The following WDR27 variants were observed in gnomAD, a reference collection of about 807,000 sequenced individuals.
The protein encoded by WDR27 is WD repeat domain 27, also known as WD repeat-containing protein 27.
Under a neutral mutation model 114.4 loss-of-function variants are expected in WDR27, and 100 were observed. The ratio of observed to expected loss-of-function variants is 0.87; its 90% confidence interval spans 0.74 to 1.03. The LOEUF (loss-of-function observed/expected upper bound fraction) is 1.03. Among genes scored for constraint, WDR27 ranks in the 50% least tolerant of loss-of-function variants. The pLI is 0.00. For synonymous variants in WDR27, 449 were observed against 423.1 expected (o/e 1.06, Z -0.75); for missense variants, 1,129 against 1,092.9 (o/e 1.03, Z -0.47).
intron 25 of WDR27, among the ~76,000 whole-genome samples, chr6:169,501,829 C>T (rs548366541): frequency 2.4e-3 from 359 of 152,342 alleles, no homozygotes; most frequent in Non-Finnish European, 4.5e-3. Context: ...GCGCCCCTCC[C>T]TCAAGCTGGT....
chr6:169,700,785 T>C (rs1209446287), intron 1 of WDR27, among the ~76,000 whole-genome samples: 2 of 152,186 alleles, frequency 1.3e-5, no homozygotes, highest in Non-Finnish European at 1.5e-5. Context: ...AGCAATACAA[T>C]ACAAAACATT....
chr6:169,489,335 C>T (rs905042917), intron 25 of WDR27, among the ~76,000 whole-genome samples: 6 of 152,160 alleles, frequency 3.9e-5, no homozygotes, highest in Non-Finnish European at 7.3e-5. Context: ...GGATTAAAAG[C>T]CTAAGACAGT....
At chr6:169,523,567 A>C (rs1259227179) in intron 25 of WDR27, among the ~76,000 whole-genome samples, 2 of 152,152 alleles carry the variant, frequency 1.3e-5, no homozygotes, top group Non-Finnish European at 2.9e-5. Flanking sequence ...CAAATTCAAC[A>C]ACCCATTAAA....
At chr6:169,653,235 T>C (rs1007010179) in intron 13 of WDR27, among the ~76,000 whole-genome samples, 1 of 152,254 alleles carries the variant, frequency 6.6e-6, no homozygotes, top group Non-Finnish European at 1.5e-5. Flanking sequence ...ATTAGCCATT[T>C]TAATTAATAT....
chr6:169,696,903 G>A, intron 1 of WDR27, among the ~76,000 whole-genome samples: 1 of 152,192 alleles, frequency 6.6e-6, no homozygotes, highest in East Asian at 1.9e-4. Context: ...GACAGAGCGA[G>A]ACCCTGTCTC....
intron 20 of WDR27, among the ~76,000 whole-genome samples, chr6:169,633,739 C>T (rs964663518): frequency 1.3e-5 from 2 of 152,158 alleles, no homozygotes; most frequent in South Asian, 2.1e-4. Context: ...CTAGTACTCT[C>T]GTATTCCAGA....
Position 169,659,941 on chromosome 6 carries a change from G to A in WDR27, c.1130-423C>T, listed in dbSNP as rs114264703. On this transcript the variant is annotated intron_variant, in intron 10 of 25. Transcript: ENST00000448612. The surrounding 1 kb of genome is among the most constrained non-coding windows in gnomAD (Gnocchi z 4.3). Reference sequence around the variant, plus strand: ...GAGCTGGGGAGGGGCAGGGATGGGCGGCTGAAGGGAAGGGCGTGTGTGAAG... The same window carrying A: ...GAGCTGGGGAGGGGCAGGGATGGGCAGCTGAAGGGAAGGGCGTGTGTGAAG... Among the ~76,000 whole-genome samples, 112 of 151,994 alleles carry A rather than the reference G, an allele frequency of 7.4e-4. No homozygotes were observed. Among genetic ancestry groups the A allele is most frequent in the African/African-American group, 2.6e-3 (109 of 41,456 alleles).
At chr6:169,500,309 A>C (rs1790994110) in intron 25 of WDR27, among the ~76,000 whole-genome samples, 1 of 152,148 alleles carries the variant, frequency 6.6e-6, no homozygotes, top group Non-Finnish European at 1.5e-5. Context: ...TGAGCTTGCT[A>C]TTCCAAATGA....
Position 169,458,006 on chromosome 6 carries a change from A to AGGAGGT in WDR27, c.2646-373_2646-372insACCTCC, listed in dbSNP as rs869143503. On this transcript the variant is annotated intron_variant, in intron 25 of 25. Coordinates refer to ENST00000448612, the MANE Select transcript of WDR27 (RefSeq NM_182552.5). ...GAGGAGGAGGAGGAGGAGGAGGAGG[A>AGGAGGT]GGTGGTGGTGGTGCCAGGAATCCAC... 1.4e-3 allele frequency among the ~76,000 whole-genome samples: 199 copies of AGGAGGT among 139,940 alleles called. 4 individuals carry two copies. Among genetic ancestry groups the AGGAGGT allele is most frequent in the African/African-American group, 5.0e-3 (193 of 38,762 alleles). The allele number at this position is 139,940 out of a possible 152,430, so 91.8% of individuals were successfully genotyped here.
At chr6:169,548,939 A>T (rs1797772426) in intron 25 of WDR27, among the ~76,000 whole-genome samples, 1 of 152,252 alleles carries the variant, frequency 6.6e-6, no homozygotes, top group South Asian at 2.1e-4. Flanking sequence ...CAAAATGCAA[A>T]GCTATATAAT....
intron 4 of WDR27, 73 bp downstream of exon 4, chr6:169,670,496 G>C: frequency 1.3e-6 from 2 of 1,577,084 alleles, no homozygotes; most frequent in Non-Finnish European, 1.7e-6. Flanking sequence ...AAGACCGCTG[G>C]GCAAGGTCCC....
chr6:169,540,143 A>G (rs1796657601), intron 25 of WDR27, among the ~76,000 whole-genome samples: 1 of 152,234 alleles, frequency 6.6e-6, no homozygotes, highest in Non-Finnish European at 1.5e-5. Flanking sequence ...TTCATCATGC[A>G]GTCAAGAACA....
chr6:169,525,835 G>A (rs1229062934), intron 25 of WDR27, among the ~76,000 whole-genome samples: 1 of 152,144 alleles, frequency 6.6e-6, no homozygotes, highest in Non-Finnish European at 1.5e-5. Flanking sequence ...TAGAATCAAT[G>A]TAAATGTCCA....
At chr6:169,636,594 C>A (rs1167841716) in intron 18 of WDR27, 90 bp from the exon 19 acceptor site, 4 of 1,322,984 alleles carry the variant, frequency 3.0e-6, no homozygotes, top group Non-Finnish European at 4.1e-6. Context: ...TTCTTAAAAC[C>A]CAACATCTAT....
intron 21 of WDR27, among the ~76,000 whole-genome samples, chr6:169,632,009 ACT>A (rs1319258200): frequency 2.2e-4 from 34 of 151,938 alleles, no homozygotes; most frequent in African/African-American, 8.0e-4. Flanking sequence ...ACATGGTGAA[ACT>A]CCATCTCTAC....
chr6:169,667,477 G>A (rs948835929), intron 5 of WDR27: 3 of 776,786 alleles, frequency 3.9e-6, no homozygotes, highest in African/African-American at 1.9e-5. Flanking sequence ...CTTGGTCAAC[G>A]CTGCCAAGAT....
rs1826370087 is a variant in WDR27, at chr6:169,662,286, A to G, written c.1025+18T>C. 1.2e-6 allele frequency: 2 copies of G among 1,610,516 alleles called. No individual in the cohort carries two copies. The highest frequency in any genetic ancestry group is 1.7e-6 in the Non-Finnish European group (2 of 1,176,960). On this transcript the variant is annotated intron_variant, in intron 9 of 25. Transcript: ENST00000448612. ...GAGGTTTCCTTTATGTGGCATAGGCAAAGTTTTTGATACTTACCATCCACA... is the reference window on the plus strand; with the variant it reads ...GAGGTTTCCTTTATGTGGCATAGGCGAAGTTTTTGATACTTACCATCCACA...
Position 169,537,231 on chromosome 6 carries a change from G to A in WDR27, c.2645+35188C>T, listed in dbSNP as rs111838274. Among the ~76,000 whole-genome samples the A allele has an allele frequency of 6.1e-3, 933 of 152,224 alleles. 2 individuals are homozygous for A. The highest frequency in any genetic ancestry group is 9.3e-3 in the Non-Finnish European group (635 of 68,010). Reference sequence around the variant, plus strand: ...ATACAGGCAAGATCTCTCTTCTTACGTAGCTTATGCTCTTCAGGGAGGAGC... The same window carrying A: ...ATACAGGCAAGATCTCTCTTCTTACATAGCTTATGCTCTTCAGGGAGGAGC... On this transcript the variant is annotated intron_variant, in intron 25 of 25. Transcript: ENST00000448612.
chr6:169,616,099 T>C (rs1022821713), intron 21 of WDR27, among the ~76,000 whole-genome samples: 1 of 151,726 alleles, frequency 6.6e-6, no homozygotes, highest in African/African-American at 2.4e-5. Context: ...AAAAAAATGA[T>C]AAAAGAAATA....
Sources: allele counts gnomAD v4.1 joint callset (sites outside exome capture counted in the v4.1 genomes callset), GRCh38; gene constraint gnomAD v4.1.1; non-coding constraint Gnocchi (gnomAD v3.1); transcripts MANE v1.5; gene names NCBI Gene and HGNC (gene_info 2026-07-23, HGNC 2026-07-21).